Variants in NECTIN1 observed in about 807,000 individuals in gnomAD.
NECTIN1 encodes nectin cell adhesion molecule 1, also known as nectin-1.
A neutral mutation model predicts 48.0 loss-of-function variants in NECTIN1; 23 were observed. That is an observed-to-expected ratio of 0.48 (90% CI 0.34 to 0.68). NECTIN1 has a LOEUF of 0.68. NECTIN1 is among the 30% of genes least tolerant of loss of function. The pLI is 0.01. For synonymous variants in NECTIN1, 270 were observed against 288.9 expected (o/e 0.93, Z 0.66); for missense variants, 591 against 709.9 (o/e 0.83, Z 1.90).
chr11:119,706,213 GA>G (rs1265006860), intron 1 of NECTIN1, among the ~76,000 whole-genome samples: 1 of 152,162 alleles, frequency 6.6e-6, no homozygotes, highest in Non-Finnish European at 1.5e-5. Context: ...CACTCAAAGG[GA>G]AAGATATGAT....
chr11:119,638,170 G>C lies in NECTIN1; in HGVS notation c.1305C>G (p.Tyr435Ter). The change falls in exon 8 of 8, where the codon TAC (tyrosine) becomes TAG (stop). Residue 435 changes from tyrosine (Y) to a stop codon, truncating the protein, a stop_gained. Transcript: ENST00000341398. LOFTEE classifies it low-confidence loss of function (END_TRUNC). Reference sequence around the variant, plus strand: ...AGGAGGGGGAGACCCCCAGATCATAGTAGGGGGGCTGCAGGGACAGCTTCT... The same window carrying C: ...AGGAGGGGGAGACCCCCAGATCATACTAGGGGGGCTGCAGGGACAGCTTCT... 6.2e-7 allele frequency: 1 copy of C among 1,613,930 alleles called. No individual in the cohort carries two copies. The highest frequency in any genetic ancestry group is 8.5e-7 in the Non-Finnish European group (1 of 1,179,864).
intron 1 of NECTIN1, among the ~76,000 whole-genome samples, chr11:119,707,410 C>G (rs1352973605): frequency 6.6e-6 from 1 of 152,180 alleles, no homozygotes; most frequent in African/African-American, 2.4e-5. Flanking sequence ...TCCACCTTCT[C>G]TTTTATGGCC....
At chr11:119,680,781 T>C (rs531991714) in intron 1 of NECTIN1, among the ~76,000 whole-genome samples, 1 of 152,348 alleles carries the variant, frequency 6.6e-6, no homozygotes, top group East Asian at 1.9e-4. Flanking sequence ...ATCAGGCCTA[T>C]CCCCACCCTC....
chr11:119,670,451 TG>T (rs1864846511), intron 5 of NECTIN1, among the ~76,000 whole-genome samples: 1 of 152,168 alleles, frequency 6.6e-6, no homozygotes, highest in African/African-American at 2.4e-5. Flanking sequence ...GGCAAGATTA[TG>T]TCTTAGAGAT....
intron 1 of NECTIN1, among the ~76,000 whole-genome samples, chr11:119,726,814 C>T (rs1433704430): frequency 6.6e-6 from 1 of 152,204 alleles, no homozygotes; most frequent in Admixed American, 6.5e-5. Flanking sequence ...TCTCGTTTCT[C>T]TGGGTTCCGG....
At chr11:119,686,003 G>A (rs1156617061) in intron 1 of NECTIN1, among the ~76,000 whole-genome samples, 2 of 152,150 alleles carry the variant, frequency 1.3e-5, no homozygotes, top group Non-Finnish European at 2.9e-5. Context: ...TCTACCAAGT[G>A]GCTGCTCTGT....
intron 1 of NECTIN1, among the ~76,000 whole-genome samples, chr11:119,705,748 G>A (rs1190759689): frequency 1.3e-5 from 2 of 152,212 alleles, no homozygotes; most frequent in Non-Finnish European, 2.9e-5. Flanking sequence ...AGCGCAGGCC[G>A]GGAGACTGGT....
At chr11:119,693,329 A>G (rs1250466495) in intron 1 of NECTIN1, among the ~76,000 whole-genome samples, 1 of 152,178 alleles carries the variant, frequency 6.6e-6, no homozygotes, top group African/African-American at 2.4e-5. Context: ...TGAAAAAGGA[A>G]TGCTGAGCAC....
In NECTIN1 at chr11:119,651,693, C is replaced by T. The variant is rs377293657; in HGVS notation, c.1004-11681G>A. Among the ~76,000 whole-genome samples the T allele has an allele frequency of 1.4e-4, 21 of 152,172 alleles. 1 individual carries two copies. The East Asian group carries it at 2.9e-3, about 21-fold the overall frequency. ...TGCAGCTGCCACACACCACGCTTCT[C>T]TGGAAGCTGCCCTTGGCCACTATCA... On this transcript the variant is annotated intron_variant, in intron 5 of 7. Transcript: ENST00000341398.
At chr11:119,707,788 C>A (rs190527680) in intron 1 of NECTIN1, among the ~76,000 whole-genome samples, 1 of 152,284 alleles carries the variant, frequency 6.6e-6, no homozygotes, top group East Asian at 1.9e-4. Context: ...ACATTGTAGG[C>A]AGGTATCAAA....
intron 1 of NECTIN1, among the ~76,000 whole-genome samples, chr11:119,702,443 T>C (rs1236349875): frequency 6.6e-6 from 1 of 152,242 alleles, no homozygotes; most frequent in Non-Finnish European, 1.5e-5. Flanking sequence ...TCCAGGGCTG[T>C]GGCTGAGGCC....
At chr11:119,691,711 C>T (rs544582837) in intron 1 of NECTIN1, among the ~76,000 whole-genome samples, 3 of 152,306 alleles carry the variant, frequency 2.0e-5, no homozygotes, top group East Asian at 3.9e-4. Context: ...ATAACTTTCC[C>T]GAAACCCAGC....
chr11:119,707,730 T>C (rs931079746), intron 1 of NECTIN1, among the ~76,000 whole-genome samples: 20 of 152,246 alleles, frequency 1.3e-4, no homozygotes, highest in South Asian at 4.1e-4. Flanking sequence ...ATCATAGTTG[T>C]ACATATTTTG....
intron 5 of NECTIN1, among the ~76,000 whole-genome samples, chr11:119,652,953 A>G (rs1479696822): frequency 6.6e-6 from 1 of 152,240 alleles, no homozygotes; most frequent in Non-Finnish European, 1.5e-5. Context: ...ATACACAGCA[A>G]TGGACAACAG....
At chr11:119,719,716 G>A (rs111495967) in intron 1 of NECTIN1, among the ~76,000 whole-genome samples, 6 of 152,326 alleles carry the variant, frequency 3.9e-5, no homozygotes, top group African/African-American at 1.4e-4. Flanking sequence ...GCCAGGCCCT[G>A]GAGAAACCAA....
Position 119,677,082 on chromosome 11 carries a change from G to T in NECTIN1, c.851+20C>A. 1 of 1,604,160 alleles carries T rather than the reference G, an allele frequency of 6.2e-7. No homozygotes were observed. Among genetic ancestry groups the T allele is most frequent in the Non-Finnish European group, 8.5e-7 (1 of 1,170,962 alleles). ...AGTCAGCTGTCTTCCAAGGTGACTG[G>T]TCAGCCCTGCAGCACTTACGTGGTC... On this transcript the variant is annotated intron_variant, in intron 4 of 5. Coordinates refer to ENST00000264025, the MANE Select transcript of NECTIN1 (RefSeq NM_002855.5). The surrounding 1 kb of genome is among the most constrained non-coding windows in gnomAD (Gnocchi z 5.4).
chr11:119,651,461 C>G (rs1245249608), intron 5 of NECTIN1, among the ~76,000 whole-genome samples: 1 of 152,132 alleles, frequency 6.6e-6, no homozygotes, highest in African/African-American at 2.4e-5. Context: ...ACCCCATACT[C>G]CTTAAGTGGG....
Position 119,728,663 on chromosome 11 carries a change from GATCCA to G in NECTIN1, c.-115_-111del. ...GCTGGCGGTCGGCGGGCGCTCGAAGGATCCAGGTCAGCTGCAGCCGTCGGCCGGGG... is the reference window on the plus strand; with the variant it reads ...GCTGGCGGTCGGCGGGCGCTCGAAGGGGTCAGCTGCAGCCGTCGGCCGGGG... On this transcript the variant is annotated 5_prime_UTR_variant, in exon 1 of 6. Coordinates refer to ENST00000264025, the MANE Select transcript of NECTIN1 (RefSeq NM_002855.5). 5 of 238,052 alleles carry G rather than the reference GATCCA, an allele frequency of 2.1e-5. No homozygotes were observed. The highest frequency in any genetic ancestry group is 5.8e-5 in the Admixed American group (1 of 17,320). 14.7% of individuals were successfully genotyped at this position (238,052 alleles called of 1,614,324 possible). A position where few individuals can be genotyped will look rare whatever the true frequency, so the allele number is the denominator to read the frequency against.
At chr11:119,716,670 G>A (rs771196297) in intron 1 of NECTIN1, among the ~76,000 whole-genome samples, 13 of 152,166 alleles carry the variant, frequency 8.5e-5, no homozygotes, top group Non-Finnish European at 1.8e-4. Context: ...TCTAACTGGC[G>A]GCTGGGGGGC....
Sources: gnomAD v4.1 joint callset for allele counts (sites outside exome capture counted in the v4.1 genomes callset) on GRCh38, gnomAD v4.1.1 for gene constraint, Gnocchi (gnomAD v3.1) non-coding constraint, MANE v1.5 for transcripts, NCBI Gene and HGNC (gene_info 2026-07-23, HGNC 2026-07-21) for gene names.